The following EYS variants were observed in gnomAD, a reference collection of about 807,000 sequenced individuals.
The protein encoded by EYS is protein eyes shut homolog.
EYS carries 250 observed loss-of-function variants against 282.1 expected under a neutral mutation model. That is an observed-to-expected ratio of 0.89 (90% CI 0.80 to 0.98). The LOEUF (loss-of-function observed/expected upper bound fraction) is 0.98. EYS is among the 50% of genes least tolerant of loss of function. EYS has a pLI of 0.00. For synonymous variants in EYS, 1,355 were observed against 1,282.9 expected (o/e 1.06, Z -1.20); for missense variants, 4,016 against 3,709.0 (o/e 1.08, Z -2.15).
chr6:65,373,439 G>T (rs1582204165), intron 8 of EYS, among the ~76,000 whole-genome samples: 1 of 151,980 alleles, frequency 6.6e-6, no homozygotes, highest in Non-Finnish European at 1.5e-5. Flanking sequence ...GAAAGCCTCT[G>T]CTCCTGATAT....
At chr6:65,332,239 A>T in intron 11 of EYS, 1 of 606,208 alleles carries the variant, frequency 1.6e-6, no homozygotes, top group Non-Finnish European at 3.0e-6. Context: ...TTTTTTCTCC[A>T]TCTACATTAT....
intron 33 of EYS, among the ~76,000 whole-genome samples, chr6:64,033,960 A>T (rs961479006): frequency 1.3e-5 from 2 of 152,150 alleles, no homozygotes; most frequent in Non-Finnish European, 2.9e-5. Flanking sequence ...TAGTATCTTG[A>T]ACATTTTTAC....
intron 32 of EYS, among the ~76,000 whole-genome samples, chr6:64,066,894 G>A (rs960259137): frequency 3.3e-5 from 5 of 151,866 alleles, no homozygotes; most frequent in African/African-American, 1.2e-4. Context: ...TATTATTATT[G>A]AATCTAATGT....
At chr6:64,280,456 G>A (rs114420259) in intron 30 of EYS, among the ~76,000 whole-genome samples, 3,094 of 152,100 alleles carry the variant, frequency 0.02, 53 homozygotes, top group Non-Finnish European at 0.029. Context: ...GCTTAAGGCC[G>A]TTTGAGTCAA....
At chr6:64,430,980 G>A (rs915593734) in intron 28 of EYS, among the ~76,000 whole-genome samples, 3 of 152,098 alleles carry the variant, frequency 2.0e-5, no homozygotes, top group Non-Finnish European at 4.4e-5. Context: ...AGAATGCCAG[G>A]ACCACAACAT....
intron 19 of EYS, among the ~76,000 whole-genome samples, chr6:64,824,877 G>T (rs1765005956): frequency 6.6e-6 from 1 of 151,712 alleles, no homozygotes; most frequent in South Asian, 2.1e-4. Context: ...TAAAATTGTG[G>T]TTATAATTTG....
At chr6:65,051,936 A>C (rs906327157) in intron 13 of EYS, among the ~76,000 whole-genome samples, 1 of 151,596 alleles carries the variant, frequency 6.6e-6, no homozygotes, top group African/African-American at 2.4e-5. Context: ...CTAAGAAAGC[A>C]GCCCTATTCC....
Position 64,081,936 on chromosome 6 carries a change from A to G in EYS, c.6491T>C (p.Val2164Ala), listed in dbSNP as rs1771986555. ...SYLELPFLKF[V>A]LEKEHNRTVT... The stretch of plus-strand genomic sequence containing the variant: ...AGTTCTGTTATGTTCCTTCTCCAGG[A>G]CAAACTTCAAAAAGGGCAGTTCTAA... Residue 2164 changes from valine to alanine, a missense_variant, in exon 32 of 43, where the codon GTC (valine) becomes GCC (alanine). Coordinates refer to ENST00000503581, the MANE Select transcript of EYS (RefSeq NM_001142800.2). 2 of 1,545,540 alleles carry G rather than the reference A, an allele frequency of 1.3e-6. No individual in the cohort carries two copies. The highest frequency in any genetic ancestry group is 2.4e-5 in the South Asian group (2 of 83,842).
At chr6:64,719,110 G>C (rs79774347) in intron 22 of EYS, among the ~76,000 whole-genome samples, 2,862 of 152,288 alleles carry the variant, frequency 0.019, 109 homozygotes, top group African/African-American at 0.065. Context: ...AGGCGGGCAA[G>C]TGATGTGGGA....
At chr6:65,434,040 A>C (rs1383238579) in intron 5 of EYS, among the ~76,000 whole-genome samples, 1 of 152,174 alleles carries the variant, frequency 6.6e-6, no homozygotes, top group Non-Finnish European at 1.5e-5. Flanking sequence ...CCTCATAATC[A>C]TCCCAGATAA....
chr6:63,751,979 A>G (rs1209549089), intron 41 of EYS, among the ~76,000 whole-genome samples: 1 of 152,230 alleles, frequency 6.6e-6, no homozygotes, highest in African/African-American at 2.4e-5. Context: ...TATGATAGGC[A>G]AAGACATCTG....
chr6:65,127,282 A>G (rs1194109241), intron 12 of EYS, among the ~76,000 whole-genome samples: 1 of 152,130 alleles, frequency 6.6e-6, no homozygotes. Flanking sequence ...GTAGGGAAGA[A>G]TATTTGAATT....
At chr6:64,518,194 T>G in intron 26 of EYS, among the ~76,000 whole-genome samples, 1 of 151,674 alleles carries the variant, frequency 6.6e-6, no homozygotes, top group East Asian at 1.9e-4. Flanking sequence ...TTATTAAACC[T>G]CTCTCTCATT....
intron 41 of EYS, among the ~76,000 whole-genome samples, chr6:63,750,819 G>A (rs1769324417): frequency 6.6e-6 from 1 of 152,314 alleles, no homozygotes; most frequent in South Asian, 2.1e-4. Flanking sequence ...TTGGTCTCCA[G>A]CATTATCACA....
intron 31 of EYS, among the ~76,000 whole-genome samples, chr6:64,107,285 T>TATATATATATATATA (rs1773053230): frequency 9.9e-6 from 1 of 101,500 alleles, no homozygotes; most frequent in African/African-American, 3.5e-5. Flanking sequence ...ATATATATAT[T>TATATATATATATATA]TATATATATA....
chr6:65,434,274 A>AAAC (rs139824311), intron 5 of EYS, among the ~76,000 whole-genome samples: 28,403 of 151,890 alleles, frequency 0.19, 3,319 homozygotes, highest in Middle Eastern at 0.29. Flanking sequence ...GGCAATATTA[A>AAAC]AACAACAACA....
intron 2 of EYS, among the ~76,000 whole-genome samples, chr6:65,543,896 G>A (rs1291564724): frequency 3.9e-5 from 6 of 152,046 alleles, no homozygotes; most frequent in Non-Finnish European, 7.4e-5. Flanking sequence ...TGGAGTGAAG[G>A]GTATGAGGGA....
At chr6:65,612,082 A>G (rs1029146715) in intron 2 of EYS, among the ~76,000 whole-genome samples, 2 of 151,876 alleles carry the variant, frequency 1.3e-5, no homozygotes, top group African/African-American at 4.8e-5. Context: ...TCATAATGGT[A>G]TAAAAATATA....
chr6:64,932,054 A>C (rs1481939046), intron 15 of EYS, among the ~76,000 whole-genome samples: 1 of 152,136 alleles, frequency 6.6e-6, no homozygotes. Flanking sequence ...GAACTGTGTA[A>C]ATGAACTAAA....
Sources: allele counts gnomAD v4.1 joint callset (sites outside exome capture counted in the v4.1 genomes callset), GRCh38; gene constraint gnomAD v4.1.1; transcripts MANE v1.5; gene names NCBI Gene and HGNC (gene_info 2026-07-23, HGNC 2026-07-21).